Variants in ZC3H12B observed in about 807,000 individuals in gnomAD.
ZC3H12B encodes zinc finger CCCH-type containing 12B, also known as probable ribonuclease ZC3H12B.
In ZC3H12B, 7 loss-of-function variants were observed where a neutral mutation model predicts 43.9. The observed-to-expected ratio is 0.16, with a 90% CI of 0.09 to 0.30. The LOEUF is 0.30. Ranked by LOEUF, ZC3H12B falls within the 10% of genes least tolerant of loss-of-function variation. The probability of loss-of-function intolerance (pLI) is 1.00; values close to 1 mark genes in which losing one functional copy is unlikely to be tolerated. For synonymous variants in ZC3H12B, 222 were observed against 241.7 expected, an observed-to-expected ratio of 0.92 and a Z score of 0.76; for missense variants, 475 against 670.2, an observed-to-expected ratio of 0.71 and a Z score of 3.22.
chrX:65,252,383 T>G, the ZC3H12B span, among the ~76,000 whole-genome samples: 1 of 111,985 alleles, frequency 8.9e-6, no homozygotes, highest in East Asian at 2.8e-4. Flanking sequence ...TCAGGGATAT[T>G]GTTCTAAAAT....
the ZC3H12B span, among the ~76,000 whole-genome samples, chrX:65,058,519 A>T: frequency 5.0e-4 from 56 of 111,925 alleles, no homozygotes; most frequent in African/African-American, 1.8e-3. Flanking sequence ...GCTACTTGTG[A>T]GTTAGGGACC....
the ZC3H12B span, among the ~76,000 whole-genome samples, chrX:65,167,360 T>C: frequency 2.7e-5 from 3 of 111,304 alleles, no homozygotes; most frequent in African/African-American, 9.8e-5. Context: ...TGTAGATGTG[T>C]GGTATTATTT....
intron 2 of ZC3H12B, among the ~76,000 whole-genome samples, chrX:65,392,910 T>C (rs990082420): frequency 8.9e-6 from 1 of 112,868 alleles, no homozygotes; most frequent in African/African-American, 3.2e-5. Flanking sequence ...AGAAAAATTC[T>C]TCTGCTTTGG....
chrX:65,130,966 G>A, the ZC3H12B span, among the ~76,000 whole-genome samples: 1 of 112,168 alleles, frequency 8.9e-6, no homozygotes, highest in Non-Finnish European at 1.9e-5. Flanking sequence ...GAAGTAAAGT[G>A]GTCTTGAGAA....
chrX:65,439,148 T>C (rs2067268736), intron 3 of ZC3H12B, among the ~76,000 whole-genome samples: 1 of 112,442 alleles, frequency 8.9e-6, no homozygotes, highest in Non-Finnish European at 1.9e-5. Context: ...CTGCAGCTCC[T>C]TCAAGCACTC....
the ZC3H12B span, among the ~76,000 whole-genome samples, chrX:65,229,867 T>G: frequency 1.8e-5 from 2 of 109,934 alleles, no homozygotes; most frequent in African/African-American, 6.6e-5. Flanking sequence ...ATGGCAGTCC[T>G]TAAAAAGTCA....
chrX:65,273,507 G>A, the ZC3H12B span, among the ~76,000 whole-genome samples: 15 of 111,023 alleles, frequency 1.4e-4, no homozygotes, highest in Non-Finnish European at 2.8e-4. Context: ...AAAGAGAAGA[G>A]AAAGAGAAAG....
At chrX:65,336,794 A>C in the ZC3H12B span, among the ~76,000 whole-genome samples, 1 of 112,502 alleles carries the variant, frequency 8.9e-6, no homozygotes, top group African/African-American at 3.2e-5. Context: ...CTCTTCCACC[A>C]GTTCCATTAG....
exon 5 of ZC3H12B, chrX:65,506,965 C>T (rs2068432247): frequency 8.9e-6 from 1 of 111,759 alleles, no homozygotes; most frequent in Non-Finnish European, 1.9e-5. Flanking sequence ...CTCTCTCTCT[C>T]TCTCTGCCCA....
the ZC3H12B span, among the ~76,000 whole-genome samples, chrX:65,317,580 C>T: frequency 2.8e-5 from 3 of 108,851 alleles, no homozygotes; most frequent in Non-Finnish European, 3.8e-5. Flanking sequence ...ATTCTTATGC[C>T]GTTGCATCCT....
upstream of ZC3H12B, among the ~76,000 whole-genome samples, chrX:65,362,273 T>A (rs1346510759): frequency 9.0e-6 from 1 of 111,267 alleles, no homozygotes; most frequent in Non-Finnish European, 1.9e-5. Context: ...TTTTAATCAA[T>A]ACCTGGAGGC....
chrX:65,170,225 C>T, the ZC3H12B span, among the ~76,000 whole-genome samples: 1 of 111,455 alleles, frequency 9.0e-6, no homozygotes, highest in African/African-American at 3.3e-5. Flanking sequence ...GTAAGGCAGG[C>T]CCGGTGGTGA....
chrX:65,266,577 G>C, the ZC3H12B span, among the ~76,000 whole-genome samples: 1 of 111,918 alleles, frequency 8.9e-6, no homozygotes, highest in East Asian at 2.8e-4. Context: ...CTGTTGTTTT[G>C]CAGTAAAGGA....
At chrX:65,253,101 C>T in the ZC3H12B span, among the ~76,000 whole-genome samples, 1 of 111,985 alleles carries the variant, frequency 8.9e-6, no homozygotes, top group Non-Finnish European at 1.9e-5. Context: ...GGGAAGTAGT[C>T]TGACTAAATG....
At chrX:65,381,631 C>G (rs1204097734) in intron 2 of ZC3H12B, among the ~76,000 whole-genome samples, 3 of 111,363 alleles carry the variant, frequency 2.7e-5, no homozygotes, top group Non-Finnish European at 5.7e-5. Context: ...AATAGAGACA[C>G]AAAAAAACCT....
chrX:65,067,103 G>C, the ZC3H12B span, among the ~76,000 whole-genome samples: 1 of 110,394 alleles, frequency 9.1e-6, no homozygotes, highest in Non-Finnish European at 1.9e-5. Context: ...TGCTCAGCAA[G>C]ACCACTTGAC....
At chrX:65,074,401 T>C in the ZC3H12B span, among the ~76,000 whole-genome samples, 1 of 111,607 alleles carries the variant, frequency 9.0e-6, no homozygotes, top group Non-Finnish European at 1.9e-5. Flanking sequence ...AAAAATTTTC[T>C]CTTTGTTTTT....
At chrX:65,252,548 A>T in the ZC3H12B span, among the ~76,000 whole-genome samples, 1 of 111,744 alleles carries the variant, frequency 8.9e-6, no homozygotes, top group Non-Finnish European at 1.9e-5. Flanking sequence ...AACTTAAGGG[A>T]ATTTCCAAAG....
At chrX:65,498,209 T>A (rs1043329440) in intron 2 of ZC3H12B, among the ~76,000 whole-genome samples, 5 of 111,767 alleles carry the variant, frequency 4.5e-5, no homozygotes, top group African/African-American at 1.6e-4. Flanking sequence ...CCAGCCAATA[T>A]TTAACATTTC....
Sources: gnomAD v4.1 joint callset for allele counts (sites outside exome capture counted in the v4.1 genomes callset) on GRCh38, gnomAD v4.1.1 for gene constraint, MANE v1.5 for transcripts, NCBI Gene and HGNC (gene_info 2026-07-23, HGNC 2026-07-21) for gene names.